Variants in RBFOX1 observed in about 807,000 individuals in gnomAD.
RBFOX1 encodes the protein RNA binding protein fox-1 homolog 1.
RBFOX1 carries 8 observed loss-of-function variants against 57.7 expected under a neutral mutation model. That is an observed-to-expected ratio of 0.14 (90% CI 0.08 to 0.25). The LOEUF is 0.25. Among genes scored for constraint, RBFOX1 ranks in the 10% least tolerant of loss-of-function variants. The pLI is 1.00. For missense variants in RBFOX1, 611 were observed against 548.5 expected (o/e 1.11, Z -1.14); for synonymous variants, 326 against 222.4 (o/e 1.47, Z -4.15).
At chr16:5,619,958 G>T (rs977809260) in intron 3 of RBFOX1, among the ~76,000 whole-genome samples, 1 of 149,450 alleles carries the variant, frequency 6.7e-6, no homozygotes, top group East Asian at 2.0e-4. Context: ...TTAAATCTCT[G>T]TGCAGATAGT....
chr16:7,557,648 A>AG (rs1414905553), intron 5 of RBFOX1, among the ~76,000 whole-genome samples: 1 of 96,530 alleles, frequency 1.0e-5, no homozygotes, highest in East Asian at 2.0e-4. Context: ...AAAAAGAAAA[A>AG]GAAAAAAAAA....
chr16:5,798,548 A>C (rs2054953260), intron 3 of RBFOX1, among the ~76,000 whole-genome samples: 1 of 152,218 alleles, frequency 6.6e-6, no homozygotes, highest in Non-Finnish European at 1.5e-5. Context: ...TGGGTATTAC[A>C]GGGCAGAGGG....
chr16:6,855,670 A>G (rs1026289133), intron 3 of RBFOX1, among the ~76,000 whole-genome samples: 3 of 148,688 alleles, frequency 2.0e-5, no homozygotes, highest in Non-Finnish European at 3.0e-5. Flanking sequence ...AAAAAAAAAG[A>G]TCTTTTAACT....
At chr16:7,450,506 A>G (rs190808445) in intron 4 of RBFOX1, among the ~76,000 whole-genome samples, 1 of 151,980 alleles carries the variant, frequency 6.6e-6, no homozygotes, top group Non-Finnish European at 1.5e-5. Flanking sequence ...GGATTTGAAG[A>G]TAACGGCCCC....
At chr16:5,856,183 C>CTATATATATA (rs1299997922) in intron 3 of RBFOX1, among the ~76,000 whole-genome samples, 1 of 45,898 alleles carries the variant, frequency 2.2e-5, no homozygotes, top group Non-Finnish European at 3.8e-5. Flanking sequence ...CTCTCTCTCT[C>CTATATATATA]TCTCTATATA....
chr16:7,120,546 A>C (rs1351028542), intron 4 of RBFOX1, among the ~76,000 whole-genome samples: 1 of 151,956 alleles, frequency 6.6e-6, no homozygotes, highest in Non-Finnish European at 1.5e-5. Context: ...GAAATAGACT[A>C]ATTCCTTGAC....
At chr16:7,293,115 C>G (rs962319949) in intron 4 of RBFOX1, among the ~76,000 whole-genome samples, 2 of 152,198 alleles carry the variant, frequency 1.3e-5, no homozygotes, top group Non-Finnish European at 2.9e-5. Context: ...TGACCCTCCA[C>G]GTCCTTGGGT....
chr16:5,329,149 G>T (rs1211487861), intron 1 of RBFOX1, among the ~76,000 whole-genome samples: 3 of 152,240 alleles, frequency 2.0e-5, no homozygotes, highest in Non-Finnish European at 2.9e-5. Context: ...GTTCACAAAG[G>T]TTATGTAACT....
intron 3 of RBFOX1, among the ~76,000 whole-genome samples, chr16:6,887,626 T>C (rs1206407625): frequency 2.0e-5 from 3 of 151,702 alleles, no homozygotes; most frequent in African/African-American, 7.3e-5. Flanking sequence ...GTAACCCTAG[T>C]TTTAGAAGGG....
At chr16:6,290,765 CT>C (rs1267216585) in intron 1 of RBFOX1, among the ~76,000 whole-genome samples, 2 of 152,278 alleles carry the variant, frequency 1.3e-5, no homozygotes, top group South Asian at 4.1e-4. Context: ...GTTATTTCCA[CT>C]TTAAAATACA....
chr16:7,702,123 G>A (rs1188822633), intron 14 of RBFOX1, among the ~76,000 whole-genome samples: 2 of 152,180 alleles, frequency 1.3e-5, no homozygotes, highest in South Asian at 2.1e-4. Flanking sequence ...TCAAATGGAT[G>A]CGCACTGGGA....
rs1218721831 is a variant in RBFOX1, at chr16:6,780,322, T to TATATA, written c.-16+125672_-16+125673insATATA. ...TTATACATATATATATTTATTCATA[T>TATATA]TTATATATATTTATACATATTTATA... On this transcript the variant is annotated intron_variant, in intron 3 of 15. Transcript: ENST00000550418. 4.9e-3 allele frequency among the ~76,000 whole-genome samples: 394 copies of TATATA among 80,976 alleles called. 55 individuals carry two copies. Among genetic ancestry groups the TATATA allele is most frequent in the African/African-American group, 0.021 (367 of 17,396 alleles). The allele number at this position is 80,976 out of a possible 152,430, so 53.1% of individuals were successfully genotyped here.
At chr16:5,642,610 G>GC (rs1006207104) in intron 3 of RBFOX1, among the ~76,000 whole-genome samples, 10 of 152,048 alleles carry the variant, frequency 6.6e-5, no homozygotes, top group Non-Finnish European at 1.0e-4. Flanking sequence ...GTGCCTAGCC[G>GC]CCCCCCCTTC....
intron 3 of RBFOX1, among the ~76,000 whole-genome samples, chr16:6,734,465 G>C (rs543185285): frequency 2.6e-5 from 4 of 152,226 alleles, no homozygotes; most frequent in African/African-American, 9.6e-5. Context: ...AAAGGTCATG[G>C]TATTGCCTCA....
chr16:5,319,514 C>G (rs1005366065), intron 1 of RBFOX1, among the ~76,000 whole-genome samples: 1 of 152,170 alleles, frequency 6.6e-6, no homozygotes, highest in Non-Finnish European at 1.5e-5. Flanking sequence ...GGAGCCATCT[C>G]CAAGAATCCT....
rs527263175 is a variant in RBFOX1, at chr16:5,599,037, G to T, written c.394G>T (p.Val132Phe). 6 of 1,259,254 alleles carry T rather than the reference G, an allele frequency of 4.8e-6. No individual in the cohort carries two copies. The East Asian group carries it at 1.3e-4, about 26-fold the overall frequency. 78.0% of individuals were successfully genotyped at this position (1,259,254 alleles called of 1,614,324 possible). Residue 132 changes from valine to phenylalanine, a missense_variant, in exon 3 of 3, where the codon GTC (valine) becomes TTC (phenylalanine). By Grantham distance (50) the Val-to-Phe change is conservative. Coordinates refer to the RBFOX1 transcript ENST00000585867. ...ATCCTTTTCAGCCTCTTTGGTCTCC[G>T]TCATCAATCACCGGGAATGGTTTTT...
chr16:7,515,134 A>G (rs1212446503), intron 4 of RBFOX1, among the ~76,000 whole-genome samples: 2 of 152,180 alleles, frequency 1.3e-5, no homozygotes, highest in Admixed American at 1.3e-4. Flanking sequence ...CAAGATCCCA[A>G]CATTTCTGGG....
intron 1 of RBFOX1, among the ~76,000 whole-genome samples, chr16:5,355,054 AAG>A (rs2065353059): frequency 2.0e-5 from 3 of 152,090 alleles, no homozygotes; most frequent in African/African-American, 7.2e-5. Context: ...ACAGACAGAG[AAG>A]AGAGAGAAAG....
intron 1 of RBFOX1, among the ~76,000 whole-genome samples, chr16:6,021,264 T>G (rs943896984): frequency 5.9e-5 from 9 of 152,124 alleles, no homozygotes; most frequent in African/African-American, 2.2e-4. Flanking sequence ...CAGCCCAAGT[T>G]TAGGACATGC....
Sources: gnomAD v4.1 joint callset for allele counts (sites outside exome capture counted in the v4.1 genomes callset) on GRCh38, gnomAD v4.1.1 for gene constraint, MANE v1.5 for transcripts, NCBI Gene and HGNC (gene_info 2026-07-23, HGNC 2026-07-21) for gene names.